Variants in CLTCL1 observed in about 807,000 individuals in gnomAD.
The protein encoded by CLTCL1 is clathrin heavy chain like 1, also known as clathrin heavy chain 2.
Under a neutral mutation model 190.0 loss-of-function variants are expected in CLTCL1, and 159 were observed. The observed-to-expected ratio is 0.84, with a 90% CI of 0.74 to 0.95. The LOEUF (loss-of-function observed/expected upper bound fraction) is 0.95, where lower values mean the gene tolerates loss of function less well. CLTCL1 is among the 40% of genes least tolerant of loss of function. The probability of loss-of-function intolerance (pLI) is 0.00; values close to 1 mark genes in which losing one functional copy is unlikely to be tolerated. For missense variants in CLTCL1, 1,878 were observed against 2,033.4 expected, an observed-to-expected ratio of 0.92 and a Z score of 1.47; for synonymous variants, 752 against 769.6, an observed-to-expected ratio of 0.98 and a Z score of 0.38.
At chr22:19,227,327 G>A (rs1015265519) in intron 11 of CLTCL1, among the ~76,000 whole-genome samples, 3 of 146,164 alleles carry the variant, frequency 2.1e-5, no homozygotes, top group Non-Finnish European at 4.5e-5. Context: ...TTGCCCAGGC[G>A]AATGGAGTGC....
intron 24 of CLTCL1, among the ~76,000 whole-genome samples, chr22:19,197,920 G>C (rs2084761690): frequency 6.6e-6 from 1 of 152,116 alleles, no homozygotes; most frequent in Admixed American, 6.5e-5. Flanking sequence ...AGATGGATGT[G>C]GATCACCTAT....
At chr22:19,184,488 C>T (rs1357494134) in intron 29 of CLTCL1, 2 of 455,946 alleles carry the variant, frequency 4.4e-6, no homozygotes, top group African/African-American at 4.0e-5. Flanking sequence ...AGAAGTCTCC[C>T]CCGCTGGCAT....
At chr22:19,179,997 A>G (rs1267612394) in intron 32 of CLTCL1, 28 bp from the exon 33 acceptor site, 1 of 594,326 alleles carries the variant, frequency 1.7e-6, no homozygotes, top group African/African-American at 1.9e-5. Context: ...CACAATGAGC[A>G]GAGCTCTTCC....
intron 1 of CLTCL1, among the ~76,000 whole-genome samples, chr22:19,279,402 G>A (rs1450494515): frequency 6.6e-6 from 1 of 152,184 alleles, no homozygotes; most frequent in Non-Finnish European, 1.5e-5. Context: ...CTCCCAAAGT[G>A]CTAGGATTTA....
At chr22:19,229,511 C>T (rs1487234449) in intron 11 of CLTCL1, among the ~76,000 whole-genome samples, 1 of 152,106 alleles carries the variant, frequency 6.6e-6, no homozygotes, top group African/African-American at 2.4e-5. Flanking sequence ...GTAATGGCTG[C>T]ATAGCATTGT....
Position 19,239,271 on chromosome 22 carries a change from G to C in CLTCL1, c.795+4C>G, listed in dbSNP as rs1221056822. ...AAGATGTTTAGAGAGCAGCACATTC[G>C]TACCTGCATAGCCACTGGAAAATCA... On this transcript the variant is annotated splice_donor_region_variant and intron_variant, in intron 5 of 32. Coordinates refer to ENST00000427926, the MANE Select transcript of CLTCL1 (RefSeq NM_007098.4). 1 of 1,593,788 alleles carries C rather than the reference G, an allele frequency of 6.3e-7. No individual in the cohort carries two copies. The highest frequency in any genetic ancestry group is 1.7e-5 in the Admixed American group (1 of 60,000).
chr22:19,289,230 G>A (rs887136754), intron 1 of CLTCL1, among the ~76,000 whole-genome samples: 13 of 152,234 alleles, frequency 8.5e-5, no homozygotes, highest in Admixed American at 3.3e-4. Context: ...TGATCCACCC[G>A]CCTCGGCCTC....
chr22:19,187,987 GTCC>G lies in CLTCL1; in HGVS notation c.4425_4427del (p.Glu1475del), dbSNP rs1184515750. On this transcript the variant is annotated inframe_deletion, in exon 28 of 33. Transcript: ENST00000427926. ...CTCCTTCCTGCACACCCACCTGATA[GTCC>G]TCCTCCTCTGTCAGCAGGTGGTTGA... The G allele has an allele frequency of 1.9e-6, 3 of 1,613,448 alleles. No individual in the cohort carries two copies. The highest frequency in any genetic ancestry group is 1.7e-6 in the Non-Finnish European group (2 of 1,179,490).
rs533272431 is a variant in CLTCL1 at position 19,242,445 on chromosome 22, G to A, written c.681+330C>T. Among the ~76,000 whole-genome samples the A allele has an allele frequency of 3.3e-5, 5 of 152,114 alleles. No individual in the cohort carries two copies. The South Asian group carries it at 6.2e-4, about 19-fold the overall frequency. ...CAAGTAGCTGGGTTTATAAGAATGC[G>A]CCACCATGCCCAGTTAATGTTTGTA... is the stretch of plus-strand genomic sequence containing the variant. On this transcript the variant is annotated intron_variant, in intron 4 of 32. Transcript: ENST00000427926.
intron 27 of CLTCL1, among the ~76,000 whole-genome samples, chr22:19,190,505 G>A (rs914531196): frequency 1.3e-5 from 2 of 151,568 alleles, no homozygotes; most frequent in Non-Finnish European, 2.9e-5. Context: ...AGGCCAAGGC[G>A]GGAAGATTGC....
In CLTCL1 at chr22:19,291,671, G is replaced by GGCA. The variant is rs1555994260; in HGVS notation, c.-33_-31dup. The GGCA allele has an allele frequency of 2.2e-6, 3 of 1,351,710 alleles. No individual in the cohort carries two copies. Among genetic ancestry groups the GGCA allele is most frequent in the South Asian group, 1.8e-5 (1 of 55,356 alleles). The allele number at this position is 1,351,710 out of a possible 1,614,324, so 83.7% of individuals were successfully genotyped here. A position where few individuals can be genotyped will look rare whatever the true frequency, so the allele number is the denominator to read the frequency against. On this transcript the variant is annotated 5_prime_UTR_variant, in exon 1 of 33. Transcript: ENST00000427926. ...GGTGCGGGACCTCGGCGGCGGCGGC[G>GGCA]GCAGCGGCAGGAATGAACGCCGACC...
At chr22:19,232,641 C>T (rs782662127) in intron 9 of CLTCL1, 43 bp from the exon 10 acceptor site, 3 of 1,571,536 alleles carry the variant, frequency 1.9e-6, no homozygotes, top group East Asian at 2.3e-5. Context: ...AATGAAAAAC[C>T]CTGGGCATTA....
chr22:19,226,339 G>A lies in CLTCL1; in HGVS notation c.1827C>T (p.Asp609=), dbSNP rs2085746258. 6.2e-7 allele frequency: 1 copy of A among 1,614,052 alleles called. No homozygotes were observed. The highest frequency in any genetic ancestry group is 8.5e-7 in the Non-Finnish European group (1 of 1,179,904). Residue 609 remains aspartate (D), a synonymous_variant, in exon 12 of 33, where the codon GAC becomes GAT. Transcript: ENST00000427926. ...ILGNKMFTHY[D]RAHIAQLCEK... ...CACAGAGCTGGGCAATGTGGGCCCG[G>A]TCGTAATGAGTAAACATTTTATTTC...
intron 2 of CLTCL1, among the ~76,000 whole-genome samples, chr22:19,270,252 A>C (rs1179314053): frequency 6.6e-6 from 1 of 152,206 alleles, no homozygotes; most frequent in East Asian, 1.9e-4. Context: ...CATTTATTTG[A>C]ATTGTCTACA....
chr22:19,210,693 A>G (rs1386163720), intron 19 of CLTCL1, among the ~76,000 whole-genome samples, 184 bp from the exon 20 acceptor site: 1 of 152,210 alleles, frequency 6.6e-6, no homozygotes, highest in Admixed American at 6.5e-5. Context: ...AAGAAACAGT[A>G]TAGCAAAGTC....
intron 19 of CLTCL1, among the ~76,000 whole-genome samples, chr22:19,214,848 A>G (rs2085336577): frequency 2.0e-5 from 3 of 151,962 alleles, no homozygotes; most frequent in Admixed American, 2.0e-4. Context: ...GCCTGGCTGA[A>G]TTTTTATTTT....
At chr22:19,224,530 G>A (rs1293042640) in intron 13 of CLTCL1, among the ~76,000 whole-genome samples, 2 of 152,166 alleles carry the variant, frequency 1.3e-5, no homozygotes, top group African/African-American at 4.8e-5. Flanking sequence ...CATTCACAGA[G>A]GCTAATGATG....
intron 31 of CLTCL1, among the ~76,000 whole-genome samples, chr22:19,180,503 A>G (rs2084096976): frequency 6.6e-6 from 1 of 152,174 alleles, no homozygotes; most frequent in Admixed American, 6.5e-5. Flanking sequence ...GTTCACAGCT[A>G]GGCAGGCACC....
intron 1 of CLTCL1, among the ~76,000 whole-genome samples, chr22:19,286,212 C>T (rs1436782435): frequency 1.3e-5 from 2 of 151,674 alleles, no homozygotes; most frequent in African/African-American, 2.4e-5. Context: ...CCAAAGAGTC[C>T]CCATTCAAAT....
Sources: allele counts gnomAD v4.1 joint callset (sites outside exome capture counted in the v4.1 genomes callset), GRCh38; gene constraint gnomAD v4.1.1; transcripts MANE v1.5; gene names NCBI Gene and HGNC (gene_info 2026-07-23, HGNC 2026-07-21).